Variants in CNTN4 observed in about 807,000 individuals in gnomAD.
CNTN4 encodes contactin 4.
Under a neutral mutation model 122.5 loss-of-function variants are expected in CNTN4, and 77 were observed. The observed-to-expected ratio is 0.63, with a 90% CI of 0.52 to 0.76. CNTN4 has a LOEUF of 0.76. CNTN4 is among the 30% of genes least tolerant of loss of function. The pLI, the probability that CNTN4 is intolerant of heterozygous loss-of-function variation, is 0.00. For missense variants in CNTN4, 1,256 were observed against 1,259.1 expected (o/e 1.00, Z 0.04); for synonymous variants, 512 against 447.0 (o/e 1.15, Z -1.83).
intron 2 of CNTN4, among the ~76,000 whole-genome samples, chr3:2,122,949 C>T (rs889462167): frequency 2.6e-5 from 4 of 152,086 alleles, no homozygotes; most frequent in Admixed American, 6.6e-5. Flanking sequence ...TTCAAGGTTG[C>T]CATGTTATAT....
intron 2 of CNTN4, among the ~76,000 whole-genome samples, chr3:2,167,761 AC>A (rs2036266325): frequency 6.6e-6 from 1 of 152,210 alleles, no homozygotes; most frequent in Non-Finnish European, 1.5e-5. Context: ...CTTTGTTTTC[AC>A]CCTGGCCCAT....
intron 6 of CNTN4, among the ~76,000 whole-genome samples, chr3:2,781,400 GTATGC>G (rs2091561522): frequency 6.6e-6 from 1 of 152,122 alleles, no homozygotes; most frequent in Non-Finnish European, 1.5e-5. Flanking sequence ...GATCTAAGCT[GTATGC>G]TAAGGATATA....
chr3:2,420,940 ATAAAG>A (rs1171132257), intron 3 of CNTN4, among the ~76,000 whole-genome samples: 1 of 152,172 alleles, frequency 6.6e-6, no homozygotes, highest in African/African-American at 2.4e-5. Flanking sequence ...GTTTTGCCTA[ATAAAG>A]TAAACGTTCA....
At chr3:2,921,643 C>T (rs1274398729) in intron 12 of CNTN4, among the ~76,000 whole-genome samples, 1 of 152,108 alleles carries the variant, frequency 6.6e-6, no homozygotes, top group Non-Finnish European at 1.5e-5. Context: ...GGCAGTGTTC[C>T]CAGTGATGCT....
At chr3:2,400,245 A>C (rs1459012904) in intron 3 of CNTN4, among the ~76,000 whole-genome samples, 1 of 151,236 alleles carries the variant, frequency 6.6e-6, no homozygotes, top group Non-Finnish European at 1.5e-5. Flanking sequence ...GTATCACAAA[A>C]CCAGAAGCTT....
chr3:2,223,534 T>A (rs1305950735), intron 2 of CNTN4, among the ~76,000 whole-genome samples: 1 of 152,230 alleles, frequency 6.6e-6, no homozygotes, highest in Non-Finnish European at 1.5e-5. Flanking sequence ...CTATGTGGAA[T>A]AATAATTATT....
chr3:2,279,281 A>G (rs971746160), intron 2 of CNTN4, among the ~76,000 whole-genome samples: 2 of 152,224 alleles, frequency 1.3e-5, no homozygotes, highest in African/African-American at 2.4e-5. Flanking sequence ...AAGAAAAAAA[A>G]CACACACTGG....
intron 3 of CNTN4, among the ~76,000 whole-genome samples, chr3:2,453,003 G>A (rs1049836078): frequency 6.6e-6 from 1 of 151,940 alleles, no homozygotes; most frequent in Non-Finnish European, 1.5e-5. Context: ...TTCCTGATTA[G>A]ATCTTTGCAA....
intron 3 of CNTN4, among the ~76,000 whole-genome samples, chr3:2,381,174 T>G (rs1269199048): frequency 1.3e-5 from 2 of 151,824 alleles, no homozygotes; most frequent in African/African-American, 4.8e-5. Flanking sequence ...CCCGGCTAAT[T>G]TTTTTGTATT....
In CNTN4 at chr3:2,552,395, A is replaced by C. The variant is rs151070134; in HGVS notation, c.-88-19021A>C. On this transcript the variant is annotated intron_variant, in intron 3 of 24. Coordinates refer to ENST00000418658, the MANE Select transcript of CNTN4 (RefSeq NM_175607.3). ...TTCTGGAAAATACAGATACCACCAG[A>C]AACATTTGTCTGCCCTTGTAAATTA... 5.5e-4 allele frequency among the ~76,000 whole-genome samples: 84 copies of C among 152,308 alleles called. No individual in the cohort carries two copies. In the East Asian group the frequency reaches 0.014, roughly 25 times the overall value.
rs143009814 is a variant in CNTN4 at position 2,772,276 on chromosome 3, C to T, written c.358+26579C>T. On this transcript the variant is annotated intron_variant, in intron 6 of 24. Transcript: ENST00000418658. ...GAAAAACAGGAAGGCTTTCCAATAT[C>T]GCAGGCAAGAAATAATAAGAGTCTA... 1.2e-3 allele frequency among the ~76,000 whole-genome samples: 185 copies of T among 151,920 alleles called. 1 individual carries two copies. Among genetic ancestry groups the T allele is most frequent in the African/African-American group, 4.3e-3 (176 of 41,358 alleles).
chr3:2,678,722 C>T (rs896728635), intron 4 of CNTN4, among the ~76,000 whole-genome samples: 1 of 152,082 alleles, frequency 6.6e-6, no homozygotes, highest in Admixed American at 6.6e-5. Flanking sequence ...AGAATTTGGC[C>T]CCTCCAAATG....
At chr3:2,754,159 A>G (rs2090225691) in intron 6 of CNTN4, among the ~76,000 whole-genome samples, 1 of 152,178 alleles carries the variant, frequency 6.6e-6, no homozygotes, top group Non-Finnish European at 1.5e-5. Context: ...ATTATTATGA[A>G]GAGCTTCCCA....
intron 2 of CNTN4, among the ~76,000 whole-genome samples, chr3:2,272,810 C>CTT (rs71944369): frequency 2.1e-4 from 22 of 106,186 alleles, no homozygotes; most frequent in Non-Finnish European, 3.1e-4. Context: ...ACTACAGAGC[C>CTT]TTTTTTTTTT....
chr3:2,983,088 C>A (rs954515071), intron 13 of CNTN4, among the ~76,000 whole-genome samples: 2 of 151,196 alleles, frequency 1.3e-5, no homozygotes, highest in African/African-American at 2.4e-5. Context: ...GTGGCGGGTG[C>A]CTGTAGTCCC....
intron 7 of CNTN4, among the ~76,000 whole-genome samples, chr3:2,822,592 G>A (rs1191164901): frequency 2.0e-5 from 3 of 152,164 alleles, no homozygotes; most frequent in Admixed American, 2.0e-4. Flanking sequence ...TACCTTCATT[G>A]CATTAAGTTT....
chr3:2,231,823 A>C (rs2039498578), intron 2 of CNTN4, among the ~76,000 whole-genome samples: 1 of 152,194 alleles, frequency 6.6e-6, no homozygotes. Flanking sequence ...TATTTAATCA[A>C]TTATGTCCTG....
chr3:2,964,063 T>C (rs1031033686), intron 13 of CNTN4, among the ~76,000 whole-genome samples: 1 of 152,218 alleles, frequency 6.6e-6, no homozygotes, highest in Non-Finnish European at 1.5e-5. Flanking sequence ...TACAAATATG[T>C]TTCATGAATG....
intron 14 of CNTN4, 89 bp downstream of exon 14, chr3:2,988,561 A>G (rs1031708204): frequency 3.5e-5 from 46 of 1,300,008 alleles, no homozygotes; most frequent in Non-Finnish European, 4.7e-5. Context: ...ATTCATATTA[A>G]TATGTACAGA....
Sources: allele counts gnomAD v4.1 joint callset (sites outside exome capture counted in the v4.1 genomes callset), GRCh38; gene constraint gnomAD v4.1.1; transcripts MANE v1.5; gene names NCBI Gene and HGNC (gene_info 2026-07-23, HGNC 2026-07-21).